The following KALRN variants were observed in gnomAD, a reference collection of about 807,000 sequenced individuals.
KALRN encodes the protein kalirin RhoGEF kinase, also known as kalirin.
KALRN carries 70 observed loss-of-function variants against 353.7 expected under a neutral mutation model. That is an observed-to-expected ratio of 0.20 (90% confidence interval 0.16 to 0.24). The LOEUF is 0.24. Among genes scored for constraint, KALRN ranks in the 10% least tolerant of loss-of-function variants. The probability of loss-of-function intolerance (pLI) is 1.00; values close to 1 mark genes in which losing one functional copy is unlikely to be tolerated. For synonymous variants in KALRN, 1,391 were observed against 1,434.8 expected (o/e 0.97, Z 0.69); for missense variants, 2,791 against 3,756.7 (o/e 0.74, Z 6.72).
chr3:124,553,662 T>C (rs760662410), intron 33 of KALRN, among the ~76,000 whole-genome samples: 5 of 152,260 alleles, frequency 3.3e-5, no homozygotes, highest in African/African-American at 4.8e-5. Flanking sequence ...ATCATGTCTA[T>C]GAGCTCTTTC....
Position 124,677,345 on chromosome 3 carries a change from TGGAATGTAAG to T in KALRN, c.7194-842_7194-833del, listed in dbSNP as rs1409511210. 3 of 217,662 alleles carry T rather than the reference TGGAATGTAAG, an allele frequency of 1.4e-5. No homozygotes were observed. In the East Asian group the frequency reaches 4.5e-4, roughly 33 times the overall value. 13.5% of individuals were successfully genotyped at this position (217,662 alleles called of 1,614,324 possible). On this transcript the variant is annotated intron_variant, in intron 49 of 59. Transcript: ENST00000682506. Reference sequence around the variant, plus strand: ...CTCTGTCTTTGAGATCTGATATTTATGGAATGTAAGGGCTCTGCTCTGAGCTTGTCTTCAT... The same window carrying T: ...CTCTGTCTTTGAGATCTGATATTTATGGCTCTGCTCTGAGCTTGTCTTCAT...
At chr3:124,044,871 T>C (rs867362500) in intron 1 of KALRN, among the ~76,000 whole-genome samples, 3 of 25,002 alleles carry the variant, frequency 1.2e-4, no homozygotes, top group African/African-American at 2.0e-4. Context: ...CCTTCCTTCC[T>C]TCCTTCCTTC....
At chr3:124,511,213 A>G (rs186768330) in intron 33 of KALRN, among the ~76,000 whole-genome samples, 20 of 152,236 alleles carry the variant, frequency 1.3e-4, no homozygotes. Flanking sequence ...GTTGCTTAGC[A>G]TAAAGCTGTA....
Position 124,642,806 on chromosome 3 carries a change from G to GTTTTTTTGTTGTTGTTGTTTT in KALRN, c.5664+5510_5664+5511insGTTGTTGTTGTTTTTTTTTTT, listed in dbSNP as rs1553707032. Among the ~76,000 whole-genome samples the GTTTTTTTGTTGTTGTTGTTTT allele has an allele frequency of 1.5e-3, 142 of 96,810 alleles. 11 individuals carry two copies. Among genetic ancestry groups the GTTTTTTTGTTGTTGTTGTTTT allele is most frequent in the Middle Eastern group, 0.012 (2 of 162 alleles). 63.5% of individuals were successfully genotyped at this position (96,810 alleles called of 152,430 possible). ...TCTGTGGAAGAGATTCCCAAGCCTC[G>GTTTTTTTGTTGTTGTTGTTTT]TTTTTTTTTTTTTTTTTTTTGAGAC... On this transcript the variant is annotated intron_variant, in intron 37 of 59. Transcript: ENST00000682506.
At chr3:124,547,234 A>G (rs1248400017) in intron 33 of KALRN, among the ~76,000 whole-genome samples, 3 of 152,148 alleles carry the variant, frequency 2.0e-5, no homozygotes, top group East Asian at 1.9e-4. Flanking sequence ...TTCTGGCCTC[A>G]AGCTATCCTC....
intron 10 of KALRN, among the ~76,000 whole-genome samples, chr3:124,380,131 C>T (rs1349982753): frequency 6.6e-6 from 1 of 152,158 alleles, no homozygotes; most frequent in African/African-American, 2.4e-5. Flanking sequence ...CTTCATATTA[C>T]CAAGGAAGTA....
intron 45 of KALRN, among the ~76,000 whole-genome samples, chr3:124,664,366 T>TGCACGC (rs1454191492): frequency 1.6e-5 from 2 of 126,888 alleles, no homozygotes; most frequent in African/African-American, 3.5e-5. Flanking sequence ...TGTGTGTGTG[T>TGCACGC]GTGTGCGCGC....
intron 3 of KALRN, among the ~76,000 whole-genome samples, chr3:124,239,744 G>C (rs2332767): frequency 2.6e-5 from 4 of 152,130 alleles, no homozygotes; most frequent in Admixed American, 2.0e-4. Flanking sequence ...GGTAAAAACT[G>C]CAAGGGTTTC....
chr3:124,504,966 G>T (rs1213727411), intron 33 of KALRN: 3 of 497,396 alleles, frequency 6.0e-6, no homozygotes, highest in South Asian at 1.5e-5. Flanking sequence ...TACACTTGCA[G>T]TTCTGCCAGG....
chr3:124,655,553 G>A, intron 38 of KALRN, 48 bp from the exon 39 acceptor site: 1 of 1,475,614 alleles, frequency 6.8e-7, no homozygotes, highest in Non-Finnish European at 9.5e-7. Flanking sequence ...GAAGATTTTT[G>A]GCTTAACAAT....
At chr3:124,246,681 A>G (rs1403767445) in intron 3 of KALRN, among the ~76,000 whole-genome samples, 1 of 152,136 alleles carries the variant, frequency 6.6e-6, no homozygotes, top group East Asian at 1.9e-4. Flanking sequence ...TTTCTCTTTT[A>G]GGCTACTGTT....
intron 33 of KALRN, chr3:124,504,691 A>G: frequency 2.6e-6 from 1 of 381,406 alleles, no homozygotes; most frequent in Admixed American, 3.4e-5. Flanking sequence ...CCTAGACAGA[A>G]TCTTCCAGCC....
chr3:124,358,582 A>G (rs1444805309), intron 10 of KALRN, among the ~76,000 whole-genome samples: 1 of 152,164 alleles, frequency 6.6e-6, no homozygotes, highest in African/African-American at 2.4e-5. Context: ...TAGTATGTTC[A>G]CTGGTTGCCA....
chr3:124,241,914 A>G (rs565470910), intron 3 of KALRN, among the ~76,000 whole-genome samples: 1 of 152,278 alleles, frequency 6.6e-6, no homozygotes, highest in African/African-American at 2.4e-5. Flanking sequence ...GCTCAAAGGA[A>G]CACTGGGGGT....
chr3:124,347,685 C>T (rs2149560013), intron 10 of KALRN, among the ~76,000 whole-genome samples: 1 of 152,214 alleles, frequency 6.6e-6, no homozygotes, highest in South Asian at 2.1e-4. Flanking sequence ...ATGATTGTCA[C>T]TGCCAGTGAG....
intron 37 of KALRN, among the ~76,000 whole-genome samples, chr3:124,640,975 T>C (rs994945712): frequency 2.0e-5 from 3 of 152,164 alleles, no homozygotes; most frequent in Admixed American, 2.0e-4. Context: ...TCCGCTTTAT[T>C]GGTTGCTCAA....
At chr3:124,693,426 T>G (rs1387822390) in intron 51 of KALRN, among the ~76,000 whole-genome samples, 1 of 152,160 alleles carries the variant, frequency 6.6e-6, no homozygotes, top group Admixed American at 6.5e-5. Context: ...GAAGAATCAG[T>G]GCCACCACAC....
Position 124,667,078 on chromosome 3 carries a change from G to A in KALRN, c.6598G>A (p.Glu2200Lys). Residue 2200 changes from glutamate to lysine, a missense_variant, in exon 47 of 60, where the codon GAG becomes AAG. Glu to Lys is a moderately conservative substitution (Grantham distance 56). Transcript: ENST00000682506. ...DPCKFALMNR[E>K]TSERVVLQAA... ...CTGCAAGTTTGCACTCATGAACAGA[G>A]AGACTTCTGAGAGGGTTGTTCTGCA... The A allele has an allele frequency of 6.2e-7, 1 of 1,614,194 alleles. No homozygotes were observed. Among genetic ancestry groups the A allele is most frequent in the Non-Finnish European group, 8.5e-7 (1 of 1,180,020 alleles).
intron 37 of KALRN, among the ~76,000 whole-genome samples, chr3:124,640,483 C>T (rs1226368748): frequency 6.6e-6 from 1 of 151,944 alleles, no homozygotes; most frequent in African/African-American, 2.4e-5. Flanking sequence ...CAGGGTTTCA[C>T]CATGTTGGCC....
Sources: allele counts gnomAD v4.1 joint callset (sites outside exome capture counted in the v4.1 genomes callset), GRCh38; gene constraint gnomAD v4.1.1; transcripts MANE v1.5; gene names NCBI Gene and HGNC (gene_info 2026-07-23, HGNC 2026-07-21).